Variants in FCHSD2 observed in about 807,000 individuals in gnomAD.
The protein encoded by FCHSD2 is FCH and double SH3 domains 2.
In FCHSD2, 38 loss-of-function variants were observed where a neutral mutation model predicts 108.1. That is an observed-to-expected ratio of 0.35 (90% confidence interval 0.27 to 0.46). The LOEUF is 0.46. Among genes scored for constraint, FCHSD2 ranks in the 20% least tolerant of loss-of-function variants. FCHSD2 has a pLI of 1.00. For missense variants in FCHSD2, 751 were observed against 897.8 expected (o/e 0.84, Z 2.09); for synonymous variants, 279 against 314.7 (o/e 0.89, Z 1.20).
intron 2 of FCHSD2, among the ~76,000 whole-genome samples, chr11:73,124,094 G>A (rs755931305): frequency 1.7e-4 from 26 of 152,140 alleles, no homozygotes; most frequent in Admixed American, 1.1e-3. Flanking sequence ...AAAAGGATGC[G>A]TTCACGTCCT....
intron 3 of FCHSD2, among the ~76,000 whole-genome samples, chr11:73,046,861 T>A (rs1459836458): frequency 6.6e-6 from 1 of 152,070 alleles, no homozygotes; most frequent in Non-Finnish European, 1.5e-5. Context: ...GAGATTACAA[T>A]CGTAAGCTAC....
chr11:73,062,371 T>C (rs535571815), intron 3 of FCHSD2, among the ~76,000 whole-genome samples: 1 of 152,192 alleles, frequency 6.6e-6, no homozygotes, highest in Non-Finnish European at 1.5e-5. Flanking sequence ...AAAGCCAAAA[T>C]GCCTCTTCTC....
chr11:73,057,947 T>C (rs184895297), intron 3 of FCHSD2, among the ~76,000 whole-genome samples: 2 of 151,968 alleles, frequency 1.3e-5, no homozygotes, highest in East Asian at 3.9e-4. Context: ...TGGCACGATC[T>C]TGGCTCACTG....
chr11:73,054,490 T>C (rs1858975880), intron 3 of FCHSD2, among the ~76,000 whole-genome samples: 1 of 152,146 alleles, frequency 6.6e-6, no homozygotes, highest in African/African-American at 2.4e-5. Flanking sequence ...AAAATTCCTG[T>C]CTATTTTGGA....
intron 4 of FCHSD2, among the ~76,000 whole-genome samples, chr11:73,011,218 C>T (rs533112709): frequency 3.5e-4 from 54 of 152,270 alleles, no homozygotes; most frequent in African/African-American, 1.3e-3. Context: ...ACAATATGTG[C>T]AGGTGCCAGC....
chr11:73,033,612 T>C (rs143247683), intron 3 of FCHSD2, among the ~76,000 whole-genome samples: 6 of 152,306 alleles, frequency 3.9e-5, no homozygotes, highest in African/African-American at 1.4e-4. Context: ...ACTACAAGCA[T>C]ATCCACACTC....
intron 14 of FCHSD2, 34 bp downstream of exon 14, chr11:72,849,721 G>A (rs1273567987): frequency 3.0e-5 from 46 of 1,538,574 alleles, no homozygotes; most frequent in Non-Finnish European, 4.0e-5. Flanking sequence ...GAGTTAATCA[G>A]AATTTAATAA....
intron 8 of FCHSD2, among the ~76,000 whole-genome samples, chr11:72,929,746 C>A (rs920543968): frequency 6.6e-6 from 1 of 152,102 alleles, no homozygotes; most frequent in Non-Finnish European, 1.5e-5. Context: ...AAAAATAGAA[C>A]CAAAGAGCTT....
intron 8 of FCHSD2, among the ~76,000 whole-genome samples, chr11:72,982,653 G>A (rs1591455491): frequency 6.6e-6 from 1 of 151,972 alleles, no homozygotes; most frequent in African/African-American, 2.4e-5. Flanking sequence ...GTATAAACAG[G>A]GAAATGCTAG....
chr11:73,124,406 T>C (rs941391212), intron 2 of FCHSD2, among the ~76,000 whole-genome samples: 22 of 152,028 alleles, frequency 1.4e-4, no homozygotes, highest in African/African-American at 5.3e-4. Flanking sequence ...ACTTAAAGTA[T>C]AATAATAATA....
intron 3 of FCHSD2, among the ~76,000 whole-genome samples, chr11:73,064,358 A>G (rs1178721150): frequency 2.6e-5 from 4 of 152,210 alleles, no homozygotes; most frequent in African/African-American, 9.6e-5. Context: ...TTGATACCCT[A>G]ACATCAAAAT....
chr11:72,953,132 T>C (rs995088410), intron 8 of FCHSD2, among the ~76,000 whole-genome samples: 2 of 152,044 alleles, frequency 1.3e-5, no homozygotes, highest in Middle Eastern at 6.8e-3. Context: ...CCAGAAAACA[T>C]GAGATGCCTA....
intron 8 of FCHSD2, among the ~76,000 whole-genome samples, chr11:72,965,945 C>T (rs1856898467): frequency 6.6e-6 from 1 of 152,078 alleles, no homozygotes; most frequent in South Asian, 2.1e-4. Context: ...AATATAGATA[C>T]AATCTCAAAA....
intron 12 of FCHSD2, among the ~76,000 whole-genome samples, chr11:72,875,622 C>T (rs939294223): frequency 2.0e-5 from 3 of 152,174 alleles, no homozygotes; most frequent in African/African-American, 4.8e-5. Context: ...GAGGTGTCAG[C>T]CACCATCCCT....
At chr11:73,127,552 T>C (rs1733581612) in intron 2 of FCHSD2, among the ~76,000 whole-genome samples, 1 of 152,168 alleles carries the variant, frequency 6.6e-6, no homozygotes, top group South Asian at 2.1e-4. Context: ...TGAAGACTGA[T>C]ACCAACAACA....
chr11:73,072,537 A>G (rs749149007), intron 3 of FCHSD2, among the ~76,000 whole-genome samples: 5 of 152,298 alleles, frequency 3.3e-5, no homozygotes, highest in African/African-American at 7.2e-5. Context: ...AAACACTGTT[A>G]TAAGATAAGG....
intron 8 of FCHSD2, among the ~76,000 whole-genome samples, chr11:72,923,977 T>A (rs531500657): frequency 6.6e-6 from 1 of 152,250 alleles, no homozygotes; most frequent in African/African-American, 2.4e-5. Context: ...CTTTTTGTTG[T>A]TGGGTTGTAA....
At chr11:73,042,963 T>C (rs1240376498) in intron 3 of FCHSD2, among the ~76,000 whole-genome samples, 2 of 152,200 alleles carry the variant, frequency 1.3e-5, no homozygotes, top group Non-Finnish European at 2.9e-5. Context: ...TTGGAATCTT[T>C]AGGCTTTTCT....
intron 8 of FCHSD2, among the ~76,000 whole-genome samples, chr11:72,959,170 A>G (rs1203650529): frequency 6.8e-6 from 1 of 146,454 alleles, no homozygotes; most frequent in African/African-American, 2.5e-5. Context: ...AGAAATTTCA[A>G]TCCTGGTTTC....
Sources: gnomAD v4.1 joint callset for allele counts (sites outside exome capture counted in the v4.1 genomes callset) on GRCh38, gnomAD v4.1.1 for gene constraint, MANE v1.5 for transcripts, NCBI Gene and HGNC (gene_info 2026-07-23, HGNC 2026-07-21) for gene names.